Variants in ARHGAP32 observed in about 807,000 individuals in gnomAD.
ARHGAP32 encodes Rho GTPase activating protein 32.
In ARHGAP32, 51 loss-of-function variants were observed where a neutral mutation model predicts 186.5. The observed-to-expected ratio is 0.27, with a 90% CI of 0.22 to 0.35. The LOEUF (loss-of-function observed/expected upper bound fraction) is 0.35. Ranked by LOEUF, ARHGAP32 falls within the 10% of genes least tolerant of loss-of-function variation. The pLI, the probability that ARHGAP32 is intolerant of heterozygous loss-of-function variation, is 1.00. For missense variants in ARHGAP32, 2,186 were observed against 2,623.5 expected, an observed-to-expected ratio of 0.83 and a Z score of 3.64; for synonymous variants, 950 against 964.3, an observed-to-expected ratio of 0.99 and a Z score of 0.27.
intron 1 of ARHGAP32, among the ~76,000 whole-genome samples, chr11:129,222,083 G>A (rs114270911): frequency 5.7e-4 from 87 of 152,212 alleles, no homozygotes; most frequent in Middle Eastern, 3.4e-3. Context: ...CTGAGCAACA[G>A]GATGAAGAAA....
At chr11:129,252,841 GC>G (rs1945203938) in intron 1 of ARHGAP32, among the ~76,000 whole-genome samples, 1 of 152,162 alleles carries the variant, frequency 6.6e-6, no homozygotes. Context: ...CCTCTACTCA[GC>G]ATGGGCTAGC....
chr11:129,157,929 A>T (rs957940658), intron 2 of ARHGAP32, among the ~76,000 whole-genome samples: 4 of 152,120 alleles, frequency 2.6e-5, no homozygotes, highest in African/African-American at 9.6e-5. Flanking sequence ...AATATTCAAC[A>T]TTCTAAAAAG....
intron 3 of ARHGAP32, 104 bp downstream of exon 3, chr11:129,124,699 C>G: frequency 1.2e-6 from 1 of 801,856 alleles, no homozygotes; most frequent in Non-Finnish European, 1.9e-6. Flanking sequence ...TGCACAGTAA[C>G]AGCATATTTT....
At chr11:129,207,967 T>C (rs1290324485) in intron 1 of ARHGAP32, among the ~76,000 whole-genome samples, 7 of 152,062 alleles carry the variant, frequency 4.6e-5, no homozygotes, top group Non-Finnish European at 1.0e-4. Context: ...TCTACAACAT[T>C]TCTACGTCCT....
At chr11:129,122,911 TA>T (rs1942567837) in intron 5 of ARHGAP32, among the ~76,000 whole-genome samples, 1 of 152,156 alleles carries the variant, frequency 6.6e-6, no homozygotes, top group Non-Finnish European at 1.5e-5. Flanking sequence ...TTTAGGTTTT[TA>T]ATAGTTTTTT....
chr11:129,002,601 G>A (rs1007390225), intron 11 of ARHGAP32, among the ~76,000 whole-genome samples: 2 of 151,910 alleles, frequency 1.3e-5, no homozygotes, highest in Non-Finnish European at 2.9e-5. Flanking sequence ...TTTTCTGATT[G>A]CTCTAGCCAG....
At chr11:129,010,325 T>C (rs11221537) in intron 11 of ARHGAP32, among the ~76,000 whole-genome samples, 3,538 of 152,330 alleles carry the variant, frequency 0.023, 73 homozygotes, top group African/African-American at 0.055. Flanking sequence ...TTTTTGCTTT[T>C]GTTGCAATTG....
At chr11:129,150,114 C>CAAAAAAAAAA (rs61492745) in intron 2 of ARHGAP32, among the ~76,000 whole-genome samples, 1 of 78,118 alleles carries the variant, frequency 1.3e-5, no homozygotes, top group Admixed American at 1.3e-4. Flanking sequence ...CTGACAAAGA[C>CAAAAAAAAAA]AAAAAAAAAA....
At chr11:129,157,259 G>C (rs1943429744) in intron 2 of ARHGAP32, among the ~76,000 whole-genome samples, 1 of 152,020 alleles carries the variant, frequency 6.6e-6, no homozygotes, top group Non-Finnish European at 1.5e-5. Context: ...GGCTTCAGAA[G>C]GTGGGTAATA....
chr11:129,026,095 A>C (rs1938832648), intron 11 of ARHGAP32, among the ~76,000 whole-genome samples: 1 of 152,076 alleles, frequency 6.6e-6, no homozygotes, highest in South Asian at 2.1e-4. Context: ...CATGGTAAGA[A>C]AAAGAGTGCT....
chr11:129,038,126 T>C (rs181374464), intron 11 of ARHGAP32, among the ~76,000 whole-genome samples: 1 of 151,804 alleles, frequency 6.6e-6, no homozygotes, highest in Admixed American at 6.6e-5. Flanking sequence ...AAAAGACATA[T>C]AAATCAATGG....
At chr11:129,055,518 A>G (rs147612478) in intron 10 of ARHGAP32, among the ~76,000 whole-genome samples, 1 of 152,378 alleles carries the variant, frequency 6.6e-6, no homozygotes, top group Admixed American at 6.5e-5. Flanking sequence ...AATTGCTAAA[A>G]ACATGAAAGC....
At chr11:129,161,579 A>G (rs1943530815) in intron 2 of ARHGAP32, among the ~76,000 whole-genome samples, 1 of 152,236 alleles carries the variant, frequency 6.6e-6, no homozygotes, top group Non-Finnish European at 1.5e-5. Flanking sequence ...AGAGACATGC[A>G]AATCAAAACC....
At chr11:129,039,243 T>C (rs1436702377) in intron 11 of ARHGAP32, among the ~76,000 whole-genome samples, 2 of 152,162 alleles carry the variant, frequency 1.3e-5, no homozygotes, top group East Asian at 1.9e-4. Context: ...CCTGGACATA[T>C]ACCCAAGGGA....
chr11:129,209,709 C>T (rs1702856594), intron 1 of ARHGAP32, among the ~76,000 whole-genome samples: 1 of 151,240 alleles, frequency 6.6e-6, no homozygotes. Context: ...AAATGTAATA[C>T]ATGATGGCAA....
At chr11:129,199,349 A>T (rs1226286090) in intron 1 of ARHGAP32, among the ~76,000 whole-genome samples, 1 of 152,232 alleles carries the variant, frequency 6.6e-6, no homozygotes, top group Non-Finnish European at 1.5e-5. Flanking sequence ...TCTTTGTGGC[A>T]GTCCTTCCCA....
chr11:129,007,125 G>A (rs1205418348), intron 11 of ARHGAP32, among the ~76,000 whole-genome samples: 1 of 152,140 alleles, frequency 6.6e-6, no homozygotes, highest in Non-Finnish European at 1.5e-5. Flanking sequence ...CTTCACGGCA[G>A]TGGGCTCCCC....
At chr11:129,213,357 T>C (rs1193006024) in intron 1 of ARHGAP32, among the ~76,000 whole-genome samples, 1 of 152,182 alleles carries the variant, frequency 6.6e-6, no homozygotes, top group Non-Finnish European at 1.5e-5. Context: ...TTGCCACCTA[T>C]AGTAGTTACA....
At chr11:129,243,066 T>C (rs1945041268) in intron 1 of ARHGAP32, among the ~76,000 whole-genome samples, 1 of 152,140 alleles carries the variant, frequency 6.6e-6, no homozygotes, top group African/African-American at 2.4e-5. Flanking sequence ...CACTTCCACA[T>C]TGCCAATTAC....
Sources: allele counts gnomAD v4.1 joint callset (sites outside exome capture counted in the v4.1 genomes callset), GRCh38; gene constraint gnomAD v4.1.1; transcripts MANE v1.5; gene names NCBI Gene and HGNC (gene_info 2026-07-23, HGNC 2026-07-21).